The following KIF16B variants were observed in gnomAD, a reference collection of about 807,000 sequenced individuals.
KIF16B encodes the protein kinesin family member 16B.
In KIF16B, 98 loss-of-function variants were observed where a neutral mutation model predicts 156.3. The observed-to-expected ratio is 0.63, with a 90% CI of 0.53 to 0.74. The LOEUF is 0.74. Ranked by LOEUF, KIF16B falls within the 30% of genes least tolerant of loss-of-function variation. The pLI, the probability that KIF16B is intolerant of heterozygous loss-of-function variation, is 0.00. For missense variants in KIF16B, 1,421 were observed against 1,606.5 expected (o/e 0.88, Z 1.97); for synonymous variants, 564 against 583.7 (o/e 0.97, Z 0.49).
At chr20:16,354,506 ACACAC>A (rs1218151940) in intron 23 of KIF16B, among the ~76,000 whole-genome samples, 91 of 150,272 alleles carry the variant, frequency 6.1e-4, no homozygotes, top group South Asian at 2.1e-3. Context: ...ACACACACAC[ACACAC>A]AATTTAGAAT....
chr20:16,562,280 G>A (rs1185755212), intron 1 of KIF16B, among the ~76,000 whole-genome samples: 1 of 152,064 alleles, frequency 6.6e-6, no homozygotes, highest in East Asian at 1.9e-4. Flanking sequence ...TAACCTTAAG[G>A]GATAAACATA....
chr20:16,324,049 G>A (rs1396336293), intron 24 of KIF16B, among the ~76,000 whole-genome samples: 2 of 151,960 alleles, frequency 1.3e-5, no homozygotes, highest in African/African-American at 4.8e-5. Flanking sequence ...TAAAGTGAAA[G>A]ATACTTCAGA....
chr20:16,346,718 G>T (rs1291351824), intron 23 of KIF16B, among the ~76,000 whole-genome samples: 1 of 152,188 alleles, frequency 6.6e-6, no homozygotes, highest in South Asian at 2.1e-4. Flanking sequence ...AATAAAATGT[G>T]TGAAGGCCCT....
intron 19 of KIF16B, 94 bp downstream of exon 19, chr20:16,378,711 T>TAA (rs5840714): frequency 1.5e-4 from 164 of 1,119,684 alleles, no homozygotes; most frequent in South Asian, 3.9e-4. Flanking sequence ...AAGAATAAGT[T>TAA]AAAAAAAAAA....
chr20:16,489,240 T>C (rs959752256), intron 12 of KIF16B, among the ~76,000 whole-genome samples: 1 of 152,088 alleles, frequency 6.6e-6, no homozygotes, highest in African/African-American at 2.4e-5. Flanking sequence ...TACCTGCTGC[T>C]GGGGATGCTA....
chr20:16,301,852 G>A (rs2063476882), intron 25 of KIF16B, among the ~76,000 whole-genome samples: 1 of 152,240 alleles, frequency 6.6e-6, no homozygotes, highest in South Asian at 2.1e-4. Context: ...GTTTCACCAT[G>A]TTGGCCAGGC....
intron 23 of KIF16B, among the ~76,000 whole-genome samples, chr20:16,347,662 G>T (rs2064258906): frequency 6.6e-6 from 1 of 152,168 alleles, no homozygotes; most frequent in African/African-American, 2.4e-5. Flanking sequence ...GATAAAATGT[G>T]ATTCTTCAAG....
At position 16,403,560 on chromosome 20, in the gene KIF16B, C is replaced by G. The variant is rs1485251394; in HGVS notation, c.1784+1253G>C. On this transcript the variant is annotated intron_variant, in intron 17 of 25. Coordinates refer to ENST00000354981, the MANE Select transcript of KIF16B (RefSeq NM_024704.5). ...AAGACAAAGGCTGACACAAGGGAGT[C>G]AACTGCTGGTGCTTCCAGAAATCCT... is the stretch of plus-strand genomic sequence containing the variant. Among the ~76,000 whole-genome samples, 5 of 152,286 alleles carry G rather than the reference C, an allele frequency of 3.3e-5. No individual in the cohort carries two copies. In the East Asian group the frequency reaches 7.7e-4, roughly 24 times the overall value.
intron 15 of KIF16B, among the ~76,000 whole-genome samples, chr20:16,421,929 C>T (rs746211434): frequency 3.2e-4 from 48 of 152,160 alleles, no homozygotes; most frequent in Non-Finnish European, 6.5e-4. Flanking sequence ...AAAGACAATT[C>T]CGACAATTAA....
At chr20:16,566,206 A>G (rs951682093) in intron 1 of KIF16B, among the ~76,000 whole-genome samples, 1 of 152,194 alleles carries the variant, frequency 6.6e-6, no homozygotes, top group Non-Finnish European at 1.5e-5. Context: ...AATTATAACC[A>G]TGCCCAGAAT....
At chr20:16,496,006 G>A (rs1318816525) in intron 11 of KIF16B, among the ~76,000 whole-genome samples, 1 of 152,102 alleles carries the variant, frequency 6.6e-6, no homozygotes, top group Non-Finnish European at 1.5e-5. Flanking sequence ...GTTTTCACTG[G>A]TGTGGTAAGA....
intron 17 of KIF16B, among the ~76,000 whole-genome samples, chr20:16,394,402 AG>A: frequency 6.6e-6 from 1 of 152,358 alleles, no homozygotes; most frequent in Admixed American, 6.5e-5. Flanking sequence ...CAGTTAATGG[AG>A]GAAGAAGCCC....
intron 12 of KIF16B, among the ~76,000 whole-genome samples, chr20:16,444,322 G>A (rs2066876990): frequency 6.6e-6 from 1 of 151,960 alleles, no homozygotes; most frequent in South Asian, 2.1e-4. Flanking sequence ...CTGTCTGCCT[G>A]TTTTTGTATG....
At chr20:16,503,552 C>T (rs923083081) in intron 10 of KIF16B, among the ~76,000 whole-genome samples, 5 of 152,186 alleles carry the variant, frequency 3.3e-5, no homozygotes, top group African/African-American at 1.2e-4. Context: ...AACGGGACCA[C>T]TCTGCACATA....
intron 23 of KIF16B, among the ~76,000 whole-genome samples, chr20:16,336,943 C>T (rs1601594263): frequency 2.6e-5 from 4 of 152,290 alleles, no homozygotes; most frequent in Admixed American, 2.6e-4. Flanking sequence ...CCCAACTGTC[C>T]ACCCCACATC....
At chr20:16,330,739 T>C (rs2063933870) in intron 24 of KIF16B, among the ~76,000 whole-genome samples, 1 of 152,184 alleles carries the variant, frequency 6.6e-6, no homozygotes, top group Non-Finnish European at 1.5e-5. Flanking sequence ...CAGGCAGAAA[T>C]GACAGCTGTC....
chr20:16,328,814 AG>A, intron 24 of KIF16B, among the ~76,000 whole-genome samples: 1 of 152,100 alleles, frequency 6.6e-6, no homozygotes, highest in Non-Finnish European at 1.5e-5. Context: ...CTCACATGGC[AG>A]GAGGTGGGGG....
At chr20:16,528,938 G>A (rs2069648124) in intron 1 of KIF16B, among the ~76,000 whole-genome samples, 1 of 152,142 alleles carries the variant, frequency 6.6e-6, no homozygotes, top group Non-Finnish European at 1.5e-5. Flanking sequence ...GAAAACAGCA[G>A]AACAGGAGGA....
At chr20:16,454,579 AACAGC>A (rs2067167008) in intron 12 of KIF16B, among the ~76,000 whole-genome samples, 2 of 151,982 alleles carry the variant, frequency 1.3e-5, no homozygotes, top group Admixed American at 1.3e-4. Flanking sequence ...GCTGTTTTGA[AACAGC>A]ATCAGTAACA....
Sources: allele counts gnomAD v4.1 joint callset (sites outside exome capture counted in the v4.1 genomes callset), GRCh38; gene constraint gnomAD v4.1.1; transcripts MANE v1.5; gene names NCBI Gene and HGNC (gene_info 2026-07-23, HGNC 2026-07-21).